Variants in POLE observed in about 807,000 individuals in gnomAD.
The protein encoded by POLE is DNA polymerase epsilon, catalytic subunit.
In POLE, 188 loss-of-function variants were observed where a neutral mutation model predicts 279.2. The observed-to-expected ratio is 0.67, with a 90% CI of 0.60 to 0.76. POLE has a LOEUF of 0.76. Ranked by LOEUF, POLE falls within the 30% of genes least tolerant of loss-of-function variation. The pLI, the probability that POLE is intolerant of heterozygous loss-of-function variation, is 0.00. For synonymous variants in POLE, 1,214 were observed against 1,172.5 expected (o/e 1.04, Z -0.72); for missense variants, 2,703 against 3,016.7 (o/e 0.90, Z 2.44).
intron 9 of POLE, 157 bp downstream of exon 9, chr12:132,676,389 G>A: frequency 1.4e-6 from 1 of 716,658 alleles, no homozygotes. Context: ...AAAGGGGAGG[G>A]TACAGCTGGA....
In POLE at chr12:132,639,323, C is replaced by T; in HGVS notation, c.5379-25G>A. Reference sequence around the variant, plus strand: ...CCTGAAAGAGAAGGTGCACGACACCCTCGTACCCTCAGCCTCCCACGCTGC... The same window carrying T: ...CCTGAAAGAGAAGGTGCACGACACCTTCGTACCCTCAGCCTCCCACGCTGC... On this transcript the variant is annotated intron_variant, in intron 39 of 48. Transcript: ENST00000320574. This position sits in a 1 kb window ranked among gnomAD's most constrained non-coding sequence, Gnocchi z 4.7. 1 of 1,609,376 alleles carries T rather than the reference C, an allele frequency of 6.2e-7. No individual in the cohort carries two copies. Among genetic ancestry groups the T allele is most frequent in the Non-Finnish European group, 8.5e-7 (1 of 1,176,522 alleles).
intron 12 of POLE, 21 bp from the exon 13 acceptor site, chr12:132,673,728 G>A (rs2136001196): frequency 6.2e-7 from 1 of 1,612,460 alleles, no homozygotes; most frequent in Non-Finnish European, 8.5e-7. Context: ...AATGAGAACA[G>A]AAGCCAGGAT....
chr12:132,685,980 A>T (rs191530478), intron 1 of POLE, among the ~76,000 whole-genome samples: 1 of 151,508 alleles, frequency 6.6e-6, no homozygotes, highest in Non-Finnish European at 1.5e-5. Flanking sequence ...CGTTCAAGTG[A>T]TTCTCCTGCC....
At chr12:132,677,062 C>T (rs1160722681) in intron 8 of POLE, among the ~76,000 whole-genome samples, 2 of 152,208 alleles carry the variant, frequency 1.3e-5, no homozygotes, top group African/African-American at 4.8e-5. Context: ...CTTCTAGTTA[C>T]AAATCCATTT....
intron 29 of POLE, among the ~76,000 whole-genome samples, 198 bp from the exon 30 acceptor site, chr12:132,650,087 A>G (rs868825910): frequency 2.6e-5 from 4 of 152,138 alleles, no homozygotes; most frequent in South Asian, 2.1e-4. Context: ...GTGCGCCTGT[A>G]GTCCCAAGCT....
chr12:132,676,140 T>C lies in POLE; in HGVS notation c.974A>G (p.Lys325Arg), dbSNP rs1555229291. ...EDIEDFEFTPKPEYEGPFCVF... is the reference protein window; with the variant it reads ...EDIEDFEFTPRPEYEGPFCVF... ...ACAAAAGGGGCCTTCATATTCTGGC[T>C]TGGGGGTGAACTCAAAATCTTCAAT... Residue 325 changes from lysine to arginine, a missense_variant, in exon 10 of 49, where the codon AAG becomes AGG. By Grantham distance (26) the Lys-to-Arg change is conservative. This residue lies in a region of POLE where 1,011 missense variants were observed against 1,111.7 expected (regional missense o/e 0.91). Coordinates refer to ENST00000320574, the MANE Select transcript of POLE (RefSeq NM_006231.4). The C allele has an allele frequency of 6.2e-7, 1 of 1,613,110 alleles. No individual in the cohort carries two copies. Among genetic ancestry groups the C allele is most frequent in the Non-Finnish European group, 8.5e-7 (1 of 1,179,730 alleles).
rs755183243 is a variant in POLE, at chr12:132,649,677, C to A, written c.3795G>T (p.Gln1265His). The change falls in exon 30 of 49, where the codon CAG (glutamine) becomes CAT (histidine). Residue 1265 changes from glutamine (Q) to histidine (H), a missense_variant and splice_region_variant. Gln to His is a conservative substitution (Grantham distance 24). Coordinates refer to ENST00000320574, the MANE Select transcript of POLE (RefSeq NM_006231.4). The stretch of plus-strand genomic sequence containing the variant: ...ACAGTATCACAGCTGTGTGCCTTAC[C>A]TGGCTGGTTCCCAGGGCGGGAGGCT... ...LGQPPALGTS[Q>H]EEWLVWLRFH... The A allele has an allele frequency of 6.2e-7, 1 of 1,613,722 alleles. No individual in the cohort carries two copies. The highest frequency in any genetic ancestry group is 1.1e-5 in the South Asian group (1 of 91,074).
rs1425590662 is a variant in POLE at position 132,679,753 on chromosome 12, G to A, written c.424-102C>T. 16 of 1,357,702 alleles carry A rather than the reference G, an allele frequency of 1.2e-5. No homozygotes were observed. The East Asian group carries it at 1.6e-4, about 14-fold the overall frequency. 84.1% of individuals were successfully genotyped at this position (1,357,702 alleles called of 1,614,324 possible). A position where few individuals can be genotyped will look rare whatever the true frequency, so the allele number is the denominator to read the frequency against. ...TAAACACACAAGTCAAAGAGTTGGC[G>A]ACTTCAAGGCACCTTGTCCAACTCT... On this transcript the variant is annotated intron_variant, in intron 5 of 48. Coordinates refer to ENST00000320574, the MANE Select transcript of POLE (RefSeq NM_006231.4).
rs1368719601 is a variant in POLE at position 132,642,207 on chromosome 12, C to T, written c.5143G>A (p.Glu1715Lys). ...GAGTAACAGCCTGAACTGTTGATCT[C>T]AACAGTGGCTTGGTCATCGAACTCC... ...VMEFDDQATV[E>K]INSSGCYSTV... The change falls in exon 38 of 49, where the codon GAG becomes AAG. Residue 1715 changes from glutamate (E) to lysine (K), a missense_variant. Glu to Lys is a moderately conservative substitution (Grantham distance 56). Transcript: ENST00000320574. 6.2e-7 allele frequency: 1 copy of T among 1,603,062 alleles called. No homozygotes were observed. The highest frequency in any genetic ancestry group is 8.5e-7 in the Non-Finnish European group (1 of 1,174,674).
chr12:132,642,219 G>A lies in POLE; in HGVS notation c.5131C>T (p.Gln1711Ter). 1.2e-6 allele frequency: 2 copies of A among 1,606,658 alleles called. No homozygotes were observed. The highest frequency in any genetic ancestry group is 1.7e-6 in the Non-Finnish European group (2 of 1,176,516). Residue 1711 changes from glutamine to a stop codon, truncating the protein, a stop_gained, in exon 38 of 49, where the codon CAA (glutamine) becomes TAA (stop). Coordinates refer to ENST00000320574, the MANE Select transcript of POLE (RefSeq NM_006231.4). LOFTEE classifies it high-confidence loss of function. ...DNCLVMEFDD[Q>*]ATVEINSSGC... ...GAACTGTTGATCTCAACAGTGGCTT[G>A]GTCATCGAACTCCATGACAAGACAG...
At chr12:132,657,675 T>C (rs2042576081) in intron 27 of POLE, among the ~76,000 whole-genome samples, 193 bp downstream of exon 27, 1 of 152,182 alleles carries the variant, frequency 6.6e-6, no homozygotes, top group Non-Finnish European at 1.5e-5. Context: ...ATAGAACAGC[T>C]AAAGGGCCCC....
intron 41 of POLE, 26 bp downstream of exon 41, chr12:132,637,988 G>C (rs756751084): frequency 6.2e-7 from 1 of 1,612,718 alleles, no homozygotes; most frequent in Non-Finnish European, 8.5e-7. Context: ...CCACAGTGCT[G>C]CGTCACCAGG....
Position 132,643,323 on chromosome 12 carries a change from G to GATACTCCCTGGAGAAGGAAACA in POLE, c.4445-15_4451dup (p.Arg1485ValfsTer67), listed in dbSNP as rs750974246. 3 of 1,614,056 alleles carry GATACTCCCTGGAGAAGGAAACA rather than the reference G, an allele frequency of 1.9e-6. No homozygotes were observed. Among genetic ancestry groups the GATACTCCCTGGAGAAGGAAACA allele is most frequent in the Non-Finnish European group, 8.5e-7 (1 of 1,180,010 alleles). ...CGTGGTGGTACAGGTAGATATGGCG[G>GATACTCCCTGGAGAAGGAAACA]ATACTCCCTGGAGAAGGAAACAAGA... On this transcript the variant is annotated frameshift_variant, in exon 35 of 49. Coordinates refer to ENST00000320574, the MANE Select transcript of POLE (RefSeq NM_006231.4). LOFTEE classifies it high-confidence loss of function.
At chr12:132,665,487 C>T (rs752328589) in intron 20 of POLE, 37 bp from the exon 21 acceptor site, 28 of 1,576,436 alleles carry the variant, frequency 1.8e-5, no homozygotes, top group Non-Finnish European at 2.2e-5. Context: ...CTCACAGATT[C>T]TTCCATTTCA....
In POLE at chr12:132,661,696, G is replaced by A. The variant is rs1489172589; in HGVS notation, c.2707-12C>T. The A allele has an allele frequency of 6.2e-7, 1 of 1,613,508 alleles. No homozygotes were observed. The highest frequency in any genetic ancestry group is 8.5e-7 in the Non-Finnish European group (1 of 1,179,674). On this transcript the variant is annotated splice_polypyrimidine_tract_variant and intron_variant, in intron 23 of 48. Coordinates refer to ENST00000320574, the MANE Select transcript of POLE (RefSeq NM_006231.4). This position sits in a 1 kb window ranked among gnomAD's most constrained non-coding sequence, Gnocchi z 4.1. ...TTGGTGAAGCCTTCCTGAGAAACAAGAGTGAAGAGGGGGCAGCTTCACTCA... is the reference window on the plus strand; with the variant it reads ...TTGGTGAAGCCTTCCTGAGAAACAAAAGTGAAGAGGGGGCAGCTTCACTCA...
Position 132,678,047 on chromosome 12 carries a change from G to A in POLE, c.579-328C>T, listed in dbSNP as rs5744746. On this transcript the variant is annotated intron_variant, in intron 6 of 48. Transcript: ENST00000320574. ...ACAAAAATTAGCCAGGCGTGGTGGC[G>A]CATGTCTGTAACCCCAGATACCTGG... Among the ~76,000 whole-genome samples the A allele has an allele frequency of 1.8e-3, 278 of 152,186 alleles. 2 individuals carry two copies. The highest frequency in any genetic ancestry group is 6.4e-3 in the African/African-American group (266 of 41,534).
intron 2 of POLE, 85 bp from the exon 3 acceptor site, chr12:132,680,772 C>T: frequency 1.9e-6 from 2 of 1,066,758 alleles, no homozygotes; most frequent in Non-Finnish European, 2.9e-6. Flanking sequence ...GGAAACTCAG[C>T]ACTTTAGAAA....
intron 26 of POLE, 70 bp downstream of exon 26, chr12:132,659,225 G>A: frequency 1.3e-6 from 2 of 1,495,552 alleles, no homozygotes; most frequent in South Asian, 2.4e-5. Context: ...ACCTCTCCGT[G>A]ACGGAGGGAG....
intron 1 of POLE, among the ~76,000 whole-genome samples, chr12:132,686,210 C>T (rs1413539817): frequency 1.3e-5 from 2 of 151,950 alleles, no homozygotes; most frequent in Admixed American, 6.6e-5. Flanking sequence ...GGCCAGTCCT[C>T]CGGTCATGTT....
Sources: gnomAD v4.1 joint callset for allele counts (sites outside exome capture counted in the v4.1 genomes callset) on GRCh38, gnomAD v4.1.1 for gene constraint, gnomAD v4.1.1 regional missense constraint, Gnocchi (gnomAD v3.1) non-coding constraint, MANE v1.5 for transcripts, NCBI Gene and HGNC (gene_info 2026-07-23, HGNC 2026-07-21) for gene names.